The following HDGFL3 variants were observed in gnomAD, a reference collection of about 807,000 sequenced individuals.
HDGFL3 encodes the protein hepatoma-derived growth factor-related protein 3.
HDGFL3 carries 6 observed loss-of-function variants against 27.6 expected under a neutral mutation model. The observed-to-expected ratio is 0.22, with a 90% CI of 0.12 to 0.43. The LOEUF (loss-of-function observed/expected upper bound fraction) is 0.43, where lower values mean the gene tolerates loss of function less well. Ranked by LOEUF, HDGFL3 falls within the 20% of genes least tolerant of loss-of-function variation. The pLI is 1.00. For synonymous variants in HDGFL3, 88 were observed against 88.9 expected (o/e 0.99, Z 0.05); for missense variants, 207 against 250.1 (o/e 0.83, Z 1.16).
rs561762372 is a variant in HDGFL3, at chr15:83,194,865, T to A, written c.84+12466A>T. ...ATCCCTTCGAAAACAACACTGAAAATCATCTTAAATCTTATGTCTCAGAAG... is the reference window on the plus strand; with the variant it reads ...ATCCCTTCGAAAACAACACTGAAAAACATCTTAAATCTTATGTCTCAGAAG... On this transcript the variant is annotated intron_variant, in intron 1 of 5. Transcript: ENST00000299633. Among the ~76,000 whole-genome samples, 12 of 152,228 alleles carry A rather than the reference T, an allele frequency of 7.9e-5. No homozygotes were observed. In the East Asian group the frequency reaches 2.3e-3, roughly 29 times the overall value.
intron 2 of HDGFL3, among the ~76,000 whole-genome samples, chr15:83,163,132 G>A (rs776455023): frequency 6.6e-5 from 10 of 152,162 alleles, no homozygotes; most frequent in African/African-American, 9.7e-5. Flanking sequence ...ACTTAATGTC[G>A]ATAGGTTTTT....
intron 5 of HDGFL3, among the ~76,000 whole-genome samples, chr15:83,141,545 T>C (rs984044766): frequency 1.3e-5 from 2 of 152,204 alleles, no homozygotes; most frequent in Non-Finnish European, 2.9e-5. Context: ...CAGTGAAAAC[T>C]AGAATTTCAA....
downstream of HDGFL3, among the ~76,000 whole-genome samples, chr15:83,125,903 T>C (rs181945397): frequency 1.1e-4 from 16 of 152,184 alleles, no homozygotes; most frequent in Non-Finnish European, 1.9e-4. Flanking sequence ...AGGAGGGGCA[T>C]GGGGAAGAGA....
At chr15:83,149,093 C>G (rs957008130) in intron 5 of HDGFL3, among the ~76,000 whole-genome samples, 1 of 152,068 alleles carries the variant, frequency 6.6e-6, no homozygotes, top group African/African-American at 2.4e-5. Context: ...TAGGCTCTTG[C>G]TTCCCACTTG....
At chr15:83,124,876 CT>C, downstream of HDGFL3, 2 of 1,019,252 alleles carry the variant, frequency 2.0e-6, no homozygotes, top group Non-Finnish European at 3.0e-6. Flanking sequence ...CATCAGACTT[CT>C]TAGCAAACTA....
chr15:83,158,827 A>G (rs1015460537), intron 2 of HDGFL3, among the ~76,000 whole-genome samples: 4 of 152,132 alleles, frequency 2.6e-5, no homozygotes, highest in Non-Finnish European at 5.9e-5. Context: ...CCACGTTAGT[A>G]TATTTATTCA....
chr15:83,119,644 C>G (rs987439248), intron 3 of HDGFL3: 1 of 1,614,058 alleles, frequency 6.2e-7, no homozygotes, highest in African/African-American at 1.3e-5. Flanking sequence ...TGCTCATTAT[C>G]TGATGTACCT....
chr15:83,134,225 T>G lies in HDGFL3; in HGVS notation c.*5045A>C, dbSNP rs2036460273. Reference sequence around the variant, plus strand: ...ACAATCTAATCTAAGGACATGAATCTTTTTTTTTTTTTAAAGACAGAGTCT... The same window carrying G: ...ACAATCTAATCTAAGGACATGAATCGTTTTTTTTTTTTAAAGACAGAGTCT... On this transcript the variant is annotated 3_prime_UTR_variant, in exon 6 of 6. Coordinates refer to ENST00000299633, the MANE Select transcript of HDGFL3 (RefSeq NM_016073.4). 1 of 141,216 alleles carries G rather than the reference T, an allele frequency of 7.1e-6. No homozygotes were observed. Among genetic ancestry groups the G allele is most frequent in the Non-Finnish European group, 1.5e-5 (1 of 64,960 alleles). The allele number at this position is 141,216 out of a possible 1,614,324, so 8.7% of individuals were successfully genotyped here.
chr15:83,145,873 T>A (rs1459075318), intron 5 of HDGFL3, among the ~76,000 whole-genome samples: 2 of 147,500 alleles, frequency 1.4e-5, no homozygotes, highest in Non-Finnish European at 3.0e-5. Context: ...TTTTTTTTTT[T>A]CTCTCTCTCT....
intron 1 of HDGFL3, among the ~76,000 whole-genome samples, chr15:83,194,576 A>G (rs963415373): frequency 3.3e-5 from 5 of 152,200 alleles, no homozygotes; most frequent in African/African-American, 4.8e-5. Flanking sequence ...TTTACAATTA[A>G]AATTTTTTTT....
chr15:83,116,946 C>G lies in HDGFL3; in HGVS notation c.394-1205G>C, dbSNP rs117632913. Among the ~76,000 whole-genome samples the G allele has an allele frequency of 2.2e-4, 34 of 152,282 alleles. No individual in the cohort carries two copies. In the East Asian group the frequency reaches 6.4e-3, roughly 29 times the overall value. ...CTGCAGACATTTGTTGAAGGGGACTCTGTGGTCAGAAGACCTGCTCCCTGC... is the reference window on the plus strand; with the variant it reads ...CTGCAGACATTTGTTGAAGGGGACTGTGTGGTCAGAAGACCTGCTCCCTGC... On this transcript the variant is annotated intron_variant, in intron 3 of 3. Transcript: ENST00000568294.
chr15:83,132,922 A>G lies in HDGFL3; in HGVS notation c.*6348T>C, dbSNP rs1267039886. 6.6e-6 allele frequency: 1 copy of G among 152,240 alleles called. No individual in the cohort carries two copies. Among genetic ancestry groups the G allele is most frequent in the African/African-American group, 2.4e-5 (1 of 41,468 alleles). The allele number at this position is 152,240 out of a possible 1,614,324, so 9.4% of individuals were successfully genotyped here. ...GGAGACACTCACAGTAAAAAGGTCA[A>G]AAGGTCAAGAGAATCTAAAAACAAA... is the stretch of plus-strand genomic sequence containing the variant. On this transcript the variant is annotated 3_prime_UTR_variant, in exon 6 of 6. Transcript: ENST00000299633.
intron 3 of HDGFL3, among the ~76,000 whole-genome samples, chr15:83,118,266 T>C (rs1024235682): frequency 1.4e-3 from 196 of 141,474 alleles, no homozygotes; most frequent in East Asian, 9.4e-3. Context: ...CACACACACA[T>C]ACAGAGAGAG....
At chr15:83,177,851 ACT>A (rs943786635) in intron 1 of HDGFL3, among the ~76,000 whole-genome samples, 4 of 152,170 alleles carry the variant, frequency 2.6e-5, no homozygotes, top group African/African-American at 4.8e-5. Context: ...CAGTTACTTA[ACT>A]CTGTGAAACA....
chr15:83,148,293 C>A (rs1417922200), intron 5 of HDGFL3, among the ~76,000 whole-genome samples: 1 of 152,122 alleles, frequency 6.6e-6, no homozygotes, highest in Admixed American at 6.6e-5. Context: ...AGGAGACAGG[C>A]ATGAGAATGC....
chr15:83,194,494 A>G (rs1337178908), intron 1 of HDGFL3, among the ~76,000 whole-genome samples: 1 of 152,240 alleles, frequency 6.6e-6, no homozygotes, highest in Non-Finnish European at 1.5e-5. Flanking sequence ...TTACAAAACA[A>G]TGTACTTAAT....
At chr15:83,119,847 C>G (rs1221300865) in intron 3 of HDGFL3, 1 of 1,044,832 alleles carries the variant, frequency 9.6e-7, no homozygotes, top group African/African-American at 1.6e-5. Context: ...TGTACCACTG[C>G]CTTTTGAATA....
intron 1 of HDGFL3, among the ~76,000 whole-genome samples, 164 bp from the exon 2 acceptor site, chr15:83,164,239 T>C (rs2037135338): frequency 6.6e-6 from 1 of 151,942 alleles, no homozygotes; most frequent in Non-Finnish European, 1.5e-5. Flanking sequence ...GCCCACCACA[T>C]GGAAGTCAAC....
At chr15:83,151,083 G>A in intron 5 of HDGFL3, 132 bp downstream of exon 5, 2 of 760,878 alleles carry the variant, frequency 2.6e-6, no homozygotes, top group South Asian at 2.0e-5. Context: ...GGGCTGAGTG[G>A]ATGCATATAA....
Sources: gnomAD v4.1 joint callset for allele counts (sites outside exome capture counted in the v4.1 genomes callset) on GRCh38, gnomAD v4.1.1 for gene constraint, MANE v1.5 for transcripts, NCBI Gene and HGNC (gene_info 2026-07-23, HGNC 2026-07-21) for gene names.